Variants in HOOK3 observed in about 807,000 individuals in gnomAD.
The protein encoded by HOOK3 is protein Hook homolog 3.
Under a neutral mutation model 116.3 loss-of-function variants are expected in HOOK3, and 24 were observed. The observed-to-expected ratio is 0.21, with a 90% CI of 0.15 to 0.29. The LOEUF (loss-of-function observed/expected upper bound fraction) is 0.29, where lower values mean the gene tolerates loss of function less well. HOOK3 is among the 10% of genes least tolerant of loss of function. HOOK3 has a pLI of 1.00. For synonymous variants in HOOK3, 275 were observed against 283.0 expected (o/e 0.97, Z 0.28); for missense variants, 632 against 830.2 (o/e 0.76, Z 2.93).
intron 6 of HOOK3, among the ~76,000 whole-genome samples, chr8:42,950,925 TC>T (rs1278072629): frequency 6.6e-6 from 1 of 152,212 alleles, no homozygotes; most frequent in Non-Finnish European, 1.5e-5. Flanking sequence ...GACCTCATGA[TC>T]TGCCCGCCTT....
intron 2 of HOOK3, among the ~76,000 whole-genome samples, chr8:42,909,548 CA>C (rs1339550502): frequency 6.6e-6 from 1 of 152,248 alleles, no homozygotes; most frequent in Non-Finnish European, 1.5e-5. Context: ...ACTGCAGCCT[CA>C]AACTCCCAGG....
At chr8:42,990,263 T>C (rs891310211) in intron 15 of HOOK3, among the ~76,000 whole-genome samples, 1 of 145,990 alleles carries the variant, frequency 6.8e-6, no homozygotes, top group Non-Finnish European at 1.5e-5. Flanking sequence ...CCGAAAGTGC[T>C]GGGATTATAG....
At chr8:42,964,573 TC>T in intron 9 of HOOK3, 99 bp downstream of exon 9, 1 of 1,083,612 alleles carries the variant, frequency 9.2e-7, no homozygotes. Context: ...ATGCCTGGAA[TC>T]CCAGCACTTT....
intron 17 of HOOK3, among the ~76,000 whole-genome samples, chr8:43,007,021 T>TC (rs1809505435): frequency 7.9e-6 from 1 of 126,526 alleles, no homozygotes; most frequent in Non-Finnish European, 1.7e-5. Context: ...CCTAGATTTT[T>TC]TTTTTTTTTT....
intron 2 of HOOK3, among the ~76,000 whole-genome samples, chr8:42,909,230 T>C (rs1350503445): frequency 6.6e-6 from 1 of 152,240 alleles, no homozygotes; most frequent in African/African-American, 2.4e-5. Context: ...ACAGCCATTA[T>C]GGAAAACTGT....
chr8:43,018,255 G>T, intron 21 of HOOK3, 103 bp from the exon 22 acceptor site: 1 of 1,075,930 alleles, frequency 9.3e-7, no homozygotes, highest in Non-Finnish European at 1.3e-6. Flanking sequence ...TCCTAATTGT[G>T]CTTTATGATA....
chr8:42,958,260 A>C (rs893776211), intron 7 of HOOK3, among the ~76,000 whole-genome samples: 12 of 152,152 alleles, frequency 7.9e-5, no homozygotes, highest in Admixed American at 1.3e-4. Flanking sequence ...CCTTCTTTCT[A>C]AATGTTTTGC....
At chr8:42,925,130 C>A (rs1387743257) in intron 2 of HOOK3, among the ~76,000 whole-genome samples, 1 of 152,008 alleles carries the variant, frequency 6.6e-6, no homozygotes, top group African/African-American at 2.4e-5. Context: ...CAGGGTCTCA[C>A]TCTGTTGCCC....
At chr8:43,004,357 ACT>A (rs1809432898) in intron 17 of HOOK3, among the ~76,000 whole-genome samples, 1 of 136,260 alleles carries the variant, frequency 7.3e-6, no homozygotes, top group African/African-American at 2.8e-5. Context: ...ACAGAGCAAG[ACT>A]CTGTCTCAAA....
At chr8:42,941,227 A>T (rs948909351) in intron 4 of HOOK3, among the ~76,000 whole-genome samples, 10 of 148,430 alleles carry the variant, frequency 6.7e-5, no homozygotes, top group Non-Finnish European at 1.5e-4. Flanking sequence ...GATTAAAGGC[A>T]TGAGCCGGCT....
chr8:43,002,879 A>G (rs2130474711), intron 17 of HOOK3, among the ~76,000 whole-genome samples: 1 of 152,326 alleles, frequency 6.6e-6, no homozygotes, highest in East Asian at 1.9e-4. Flanking sequence ...TAAAGTCTAT[A>G]AAAGCTTGTC....
intron 21 of HOOK3, among the ~76,000 whole-genome samples, chr8:43,014,425 C>G (rs1809671081): frequency 6.6e-6 from 1 of 151,618 alleles, no homozygotes; most frequent in Non-Finnish European, 1.5e-5. Context: ...GATCTCGGCT[C>G]ACTGCAACCT....
intron 5 of HOOK3, 63 bp from the exon 6 acceptor site, chr8:42,950,325 G>T: frequency 1.9e-6 from 2 of 1,058,764 alleles, no homozygotes; most frequent in Non-Finnish European, 2.9e-6. Flanking sequence ...TGAAGTATGA[G>T]CCTTGATTCC....
At chr8:43,009,975 GTCA>G (rs1809572989) in intron 18 of HOOK3, among the ~76,000 whole-genome samples, 1 of 151,704 alleles carries the variant, frequency 6.6e-6, no homozygotes, top group African/African-American at 2.4e-5. Context: ...CATAGCATGT[GTCA>G]TAACTAAGGC....
At chr8:42,904,360 A>G (rs976685194) in intron 1 of HOOK3, among the ~76,000 whole-genome samples, 1 of 131,546 alleles carries the variant, frequency 7.6e-6, no homozygotes, top group Admixed American at 9.1e-5. Flanking sequence ...CCCAGGCTGG[A>G]GTGCAGTGGC....
At position 43,026,851 on chromosome 8, in the gene HOOK3, T is replaced by C. The variant is rs1189592155; in HGVS notation, c.*8353T>C. The C allele has an allele frequency of 1.9e-5, 4 of 215,932 alleles. No homozygotes were observed. The highest frequency in any genetic ancestry group is 3.7e-5 in the Non-Finnish European group (4 of 107,034). 13.4% of individuals were successfully genotyped at this position (215,932 alleles called of 1,614,324 possible). ...GCATTCTGAGTTCCCCTGTAACAGA[T>C]AGGTTTTATGAACTCAGCTGTTTTC... On this transcript the variant is annotated 3_prime_UTR_variant, in exon 22 of 22. Coordinates refer to ENST00000307602, the MANE Select transcript of HOOK3 (RefSeq NM_032410.4).
At position 43,027,966 on chromosome 8, in the gene HOOK3, C is replaced by CT. The variant is rs1451249582; in HGVS notation, c.*9469dup. The CT allele has an allele frequency of 5.2e-6, 1 of 193,722 alleles. No individual in the cohort carries two copies. Among genetic ancestry groups the CT allele is most frequent in the Non-Finnish European group, 1.1e-5 (1 of 93,042 alleles). 12.0% of individuals were successfully genotyped at this position (193,722 alleles called of 1,614,324 possible). On this transcript the variant is annotated 3_prime_UTR_variant, in exon 22 of 22. Transcript: ENST00000307602. ...GGCAGTGAAGTAACTTAAGACAACT[C>CT]TGAGATTTTACCACCATACTTAGAG...
intron 5 of HOOK3, among the ~76,000 whole-genome samples, chr8:42,946,848 A>G (rs13281651): frequency 0.051 from 7,170 of 140,026 alleles, 229 homozygotes; most frequent in South Asian, 0.088. Flanking sequence ...GGCTCATTGC[A>G]ACCTCTGCCT....
At chr8:42,974,280 A>C in intron 13 of HOOK3, 86 bp downstream of exon 13, 1 of 967,116 alleles carries the variant, frequency 1.0e-6, no homozygotes. Flanking sequence ...GCTGGAGTGC[A>C]ATGGCACTGT....
Sources: gnomAD v4.1 joint callset for allele counts (sites outside exome capture counted in the v4.1 genomes callset) on GRCh38, gnomAD v4.1.1 for gene constraint, MANE v1.5 for transcripts, NCBI Gene and HGNC (gene_info 2026-07-23, HGNC 2026-07-21) for gene names.